LRFN5: variants seen among roughly 807,000 people sequenced by gnomAD.
The protein encoded by LRFN5 is leucine rich repeat and fibronectin type III domain containing 5.
A neutral mutation model predicts 45.6 loss-of-function variants in LRFN5; 24 were observed. The ratio of observed to expected loss-of-function variants is 0.53; its 90% CI spans 0.38 to 0.74. The LOEUF is 0.74. LRFN5 is among the 30% of genes least tolerant of loss of function. The probability of loss-of-function intolerance (pLI) is 0.00; values close to 1 mark genes in which losing one functional copy is unlikely to be tolerated. For missense variants in LRFN5, 776 were observed against 861.5 expected (o/e 0.90, Z 1.24); for synonymous variants, 340 against 313.8 (o/e 1.08, Z -0.88).
intron 1 of LRFN5, among the ~76,000 whole-genome samples, chr14:41,656,116 A>G (rs1880368287): frequency 6.6e-6 from 1 of 151,990 alleles, no homozygotes; most frequent in Non-Finnish European, 1.5e-5. Context: ...ATTGCCTTGG[A>G]CTGAAATTGG....
chr14:41,726,955 T>G (rs1391784028), intron 1 of LRFN5, among the ~76,000 whole-genome samples: 1 of 152,200 alleles, frequency 6.6e-6, no homozygotes, highest in Non-Finnish European at 1.5e-5. Flanking sequence ...TCTTTACCAG[T>G]TATTTTTTGT....
At chr14:41,625,810 C>T (rs755580807) in intron 1 of LRFN5, among the ~76,000 whole-genome samples, 14 of 152,016 alleles carry the variant, frequency 9.2e-5, no homozygotes, top group Non-Finnish European at 1.9e-4. Flanking sequence ...ATTTAAACAA[C>T]TTTATACAGC....
intron 2 of LRFN5, among the ~76,000 whole-genome samples, chr14:41,834,655 G>GTTTGT (rs1019505546): frequency 3.3e-5 from 5 of 151,966 alleles, no homozygotes; most frequent in African/African-American, 1.2e-4. Context: ...TTTGTTGTTT[G>GTTTGT]TTTGTTTTGT....
chr14:41,646,468 C>T (rs1191231315), intron 1 of LRFN5, among the ~76,000 whole-genome samples: 6 of 152,108 alleles, frequency 3.9e-5, no homozygotes, highest in African/African-American at 1.4e-4. Flanking sequence ...AGAAACGGCA[C>T]TCCCCAGACA....
In LRFN5 at chr14:41,729,232, T is replaced by C. The variant is rs145547772; in HGVS notation, c.-196-37622T>C. 7.1e-4 allele frequency among the ~76,000 whole-genome samples: 108 copies of C among 152,284 alleles called. 1 individual carries two copies. Among genetic ancestry groups the C allele is most frequent in the African/African-American group, 1.9e-3 (77 of 41,572 alleles). On this transcript the variant is annotated intron_variant, in intron 1 of 5. Transcript: ENST00000298119. ...TGGCTTAGCACCATTGCTTTGGTGA[T>C]GGATAAGTTATTGCCCAGTTTGTTC...
intron 1 of LRFN5, among the ~76,000 whole-genome samples, chr14:41,615,216 T>A (rs1887891023): frequency 6.6e-6 from 1 of 152,144 alleles, no homozygotes; most frequent in African/African-American, 2.4e-5. Flanking sequence ...GATTCCCAAA[T>A]CACTCCAACT....
chr14:41,823,421 TTATCTA>T (rs58012120), intron 2 of LRFN5, among the ~76,000 whole-genome samples: 4 of 150,642 alleles, frequency 2.7e-5, no homozygotes, highest in South Asian at 4.2e-4. Context: ...AATTCTTGGC[TTATCTA>T]TATCTATATC....
At chr14:41,854,283 C>T (rs1405876060) in intron 2 of LRFN5, among the ~76,000 whole-genome samples, 1 of 151,270 alleles carries the variant, frequency 6.6e-6, no homozygotes, top group African/African-American at 2.4e-5. Flanking sequence ...TGTGTCCCTA[C>T]AAAGGACATG....
At chr14:41,821,218 C>T (rs1197459881) in intron 2 of LRFN5, among the ~76,000 whole-genome samples, 2 of 151,866 alleles carry the variant, frequency 1.3e-5, no homozygotes, top group East Asian at 3.9e-4. Context: ...CAACTTTTCC[C>T]TGTTCAGTAT....
chr14:41,665,145 G>GA lies in LRFN5; in HGVS notation c.-197+56592dup, dbSNP rs916142660. On this transcript the variant is annotated intron_variant, in intron 1 of 5. Coordinates refer to ENST00000298119, the MANE Select transcript of LRFN5 (RefSeq NM_152447.5). ...TTTTCTGACAATTTTTTTGTTTTTA[G>GA]AAAAAAAAATGGTCTCAAATTTCTT... Among the ~76,000 whole-genome samples, 11 of 148,594 alleles carry GA rather than the reference G, an allele frequency of 7.4e-5. No individual in the cohort carries two copies. In the South Asian group the frequency reaches 1.5e-3, roughly 20 times the overall value.
chr14:41,883,272 TTTTG>T (rs1890451748), intron 2 of LRFN5, among the ~76,000 whole-genome samples: 7 of 152,204 alleles, frequency 4.6e-5, no homozygotes, highest in Admixed American at 4.6e-4. Flanking sequence ...ATCCAGCTTA[TTTTG>T]TTTGTTTAGG....
At chr14:41,837,745 T>C (rs1888712954) in intron 2 of LRFN5, among the ~76,000 whole-genome samples, 1 of 152,168 alleles carries the variant, frequency 6.6e-6, no homozygotes, top group South Asian at 2.1e-4. Context: ...GGAAGAATTA[T>C]TCTGTTTAAA....
At position 41,716,931 on chromosome 14, in the gene LRFN5, A is replaced by G. The variant is rs370465240; in HGVS notation, c.-196-49923A>G. Among the ~76,000 whole-genome samples, 624 of 152,248 alleles carry G rather than the reference A, an allele frequency of 4.1e-3. 10 individuals carry two copies. Among genetic ancestry groups the G allele is most frequent in the African/African-American group, 0.014 (583 of 41,548 alleles). On this transcript the variant is annotated intron_variant, in intron 1 of 5. Coordinates refer to ENST00000298119, the MANE Select transcript of LRFN5 (RefSeq NM_152447.5). ...TCTTCTCTCCTTCAAGTCAGAGCCC[A>G]CCATGGAATCCTTGTTCTGATGGAT...
chr14:41,673,633 A>C (rs1594602791), intron 1 of LRFN5, among the ~76,000 whole-genome samples: 1 of 122,470 alleles, frequency 8.2e-6, no homozygotes, highest in East Asian at 2.5e-4. Flanking sequence ...TGACCCCCCC[A>C]CCTCCCTCCC....
At chr14:41,898,895 A>G (rs933091839) in intron 4 of LRFN5, 22 bp from the exon 5 acceptor site, 3 of 1,605,588 alleles carry the variant, frequency 1.9e-6, no homozygotes, top group Non-Finnish European at 2.6e-6. Context: ...ATTGTTTATG[A>G]CACTGAACAT....
At chr14:41,667,548 G>T (rs10132141) in intron 1 of LRFN5, among the ~76,000 whole-genome samples, 21 of 152,248 alleles carry the variant, frequency 1.4e-4, no homozygotes, top group African/African-American at 5.1e-4. Flanking sequence ...GAGGCTGCTG[G>T]TGTCCACGCT....
intron 1 of LRFN5, among the ~76,000 whole-genome samples, chr14:41,717,331 A>G (rs1883532902): frequency 6.6e-6 from 1 of 152,204 alleles, no homozygotes; most frequent in Admixed American, 6.5e-5. Context: ...TGCATATTGA[A>G]GATAGACTTA....
At chr14:41,689,555 A>C (rs1399714041) in intron 1 of LRFN5, among the ~76,000 whole-genome samples, 4 of 152,216 alleles carry the variant, frequency 2.6e-5, no homozygotes, top group African/African-American at 9.6e-5. Flanking sequence ...AGGATGAAAT[A>C]AAGTCTAATT....
At chr14:41,789,856 A>T (rs1481392657) in intron 2 of LRFN5, among the ~76,000 whole-genome samples, 1 of 151,666 alleles carries the variant, frequency 6.6e-6, no homozygotes. Context: ...GTATTTTTTG[A>T]CTGGTTTCGT....
Sources: allele counts gnomAD v4.1 joint callset (sites outside exome capture counted in the v4.1 genomes callset), GRCh38; gene constraint gnomAD v4.1.1; transcripts MANE v1.5; gene names NCBI Gene and HGNC (gene_info 2026-07-23, HGNC 2026-07-21).